Variants in ZFAND4 observed in about 807,000 individuals in gnomAD.
ZFAND4 encodes the protein zinc finger AN1-type containing 4.
ZFAND4 carries 43 observed loss-of-function variants against 64.4 expected under a neutral mutation model. The ratio of observed to expected loss-of-function variants is 0.67; its 90% CI spans 0.52 to 0.86. The LOEUF (loss-of-function observed/expected upper bound fraction) is 0.86, where lower values mean the gene tolerates loss of function less well. ZFAND4 is among the 40% of genes least tolerant of loss of function. ZFAND4 has a pLI of 0.00. For synonymous variants in ZFAND4, 296 were observed against 305.7 expected (o/e 0.97, Z 0.33); for missense variants, 929 against 859.8 (o/e 1.08, Z -1.01).
intron 2 of ZFAND4, chr10:45,662,432 T>C: frequency 3.9e-6 from 1 of 255,744 alleles, no homozygotes; most frequent in Non-Finnish European, 6.1e-6. Context: ...ACAAATTATT[T>C]AAAATTCATG....
chr10:45,656,501 C>CAAAAAAAAAAAAAAAAAAAAAAAA (rs541781976), intron 2 of ZFAND4, among the ~76,000 whole-genome samples: 2 of 24,698 alleles, frequency 8.1e-5, no homozygotes, highest in African/African-American at 3.9e-4. Context: ...GAACCTGTCT[C>CAAAAAAAAAAAAAAAAAAAAAAAA]AAAAAAAAAA....
chr10:45,624,330 T>C (rs1159804324), intron 8 of ZFAND4, among the ~76,000 whole-genome samples: 1 of 152,238 alleles, frequency 6.6e-6, no homozygotes, highest in African/African-American at 2.4e-5. Flanking sequence ...TCAATAATCT[T>C]GTGGGTTTTT....
chr10:45,656,016 G>A (rs2133814328), intron 2 of ZFAND4, among the ~76,000 whole-genome samples: 1 of 152,284 alleles, frequency 6.6e-6, no homozygotes, highest in East Asian at 1.9e-4. Flanking sequence ...TGGATCACGA[G>A]GTCAGGAGAT....
intron 5 of ZFAND4, 199 bp from the exon 6 acceptor site, chr10:45,640,162 T>C: frequency 7.9e-7 from 1 of 1,260,926 alleles, no homozygotes; most frequent in Non-Finnish European, 1.0e-6. Context: ...AATATTATGA[T>C]CTAGGATTAC....
intron 4 of ZFAND4, chr10:45,651,586 G>A: frequency 2.1e-6 from 1 of 472,658 alleles, no homozygotes; most frequent in Non-Finnish European, 4.4e-6. Flanking sequence ...AGGCAATGTT[G>A]GAATTTTGCA....
intron 6 of ZFAND4, among the ~76,000 whole-genome samples, chr10:45,628,835 C>T (rs1485100194): frequency 7.0e-6 from 1 of 142,000 alleles, no homozygotes; most frequent in Non-Finnish European, 1.5e-5. Flanking sequence ...AGAAACTCAT[C>T]TGCAAAGCCT....
At position 45,635,218 on chromosome 10, in the gene ZFAND4, A is replaced by C. The variant is rs201483984; in HGVS notation, c.717+4598T>G. ...AGCAAAAAAAAAAAAAAAAAACAAA[A>C]AAAAAACAAACAAAAAAAAACTGGA... is the stretch of plus-strand genomic sequence containing the variant. On this transcript the variant is annotated intron_variant, in intron 6 of 9. Transcript: ENST00000344646. Among the ~76,000 whole-genome samples the C allele has an allele frequency of 2.8e-4, 40 of 145,144 alleles. No homozygotes were observed. In the East Asian group the frequency reaches 7.2e-3, roughly 26 times the overall value.
intron 6 of ZFAND4, among the ~76,000 whole-genome samples, chr10:45,632,473 A>T (rs1031073105): frequency 1.6e-4 from 25 of 152,302 alleles, no homozygotes; most frequent in South Asian, 4.1e-4. Flanking sequence ...GTAGAAAAAA[A>T]TTTTTAATGA....
chr10:45,663,478 C>T (rs2048609803), intron 2 of ZFAND4, 64 bp downstream of exon 2: 2 of 1,292,700 alleles, frequency 1.5e-6, no homozygotes, highest in South Asian at 3.0e-5. Context: ...ACTTTAAAAA[C>T]TACTAGACAT....
chr10:45,622,266 A>T (rs921955441), intron 8 of ZFAND4, among the ~76,000 whole-genome samples: 1 of 152,208 alleles, frequency 6.6e-6, no homozygotes. Context: ...TGTTTCAACA[A>T]AAGTTAATAA....
At chr10:45,659,145 C>G (rs556383024) in intron 2 of ZFAND4, among the ~76,000 whole-genome samples, 1 of 152,252 alleles carries the variant, frequency 6.6e-6, no homozygotes, top group South Asian at 2.1e-4. Context: ...AGAAACCAGG[C>G]CCCTCTAGCC....
chr10:45,618,285 T>C (rs760239658), intron 8 of ZFAND4, 25 bp from the exon 9 acceptor site: 28 of 1,608,032 alleles, frequency 1.7e-5, no homozygotes, highest in Non-Finnish European at 2.3e-5. Context: ...GACACCTTGA[T>C]TAACACAGGC....
chr10:45,638,423 G>A (rs1328569910), intron 6 of ZFAND4, among the ~76,000 whole-genome samples: 6 of 151,666 alleles, frequency 4.0e-5, no homozygotes, highest in Non-Finnish European at 8.8e-5. Flanking sequence ...GAACCCGGGA[G>A]GCAGAGCTTG....
Position 45,669,910 on chromosome 10 carries a change from T to C in ZFAND4, c.-118+2340A>G, listed in dbSNP as rs529769253. 1.9e-3 allele frequency among the ~76,000 whole-genome samples: 289 copies of C among 152,226 alleles called. 1 individual carries two copies. The highest frequency in any genetic ancestry group is 6.7e-3 in the African/African-American group (279 of 41,538). ...ATAATAAGAGCTATTTATGACAAAC[T>C]CACAGCCAATATCATAGTGAATGGG... On this transcript the variant is annotated intron_variant, in intron 1 of 9. Transcript: ENST00000344646.
At chr10:45,642,002 A>C (rs1306491321) in intron 5 of ZFAND4, among the ~76,000 whole-genome samples, 1 of 152,194 alleles carries the variant, frequency 6.6e-6, no homozygotes, top group Non-Finnish European at 1.5e-5. Flanking sequence ...CACCCAGATG[A>C]GTGCCAGAAC....
At chr10:45,642,091 C>CTA (rs2047038474) in intron 5 of ZFAND4, among the ~76,000 whole-genome samples, 1 of 152,194 alleles carries the variant, frequency 6.6e-6, no homozygotes, top group Non-Finnish European at 1.5e-5. Flanking sequence ...TTCGTCATGT[C>CTA]ACCCTGTGGA....
chr10:45,620,792 A>G (rs1002292980), intron 8 of ZFAND4: 2 of 152,240 alleles, frequency 1.3e-5, no homozygotes, highest in Non-Finnish European at 2.9e-5. Flanking sequence ...CGAAGGATGT[A>G]CCAAGTCCTT....
intron 6 of ZFAND4, among the ~76,000 whole-genome samples, chr10:45,635,195 C>CAAAAAAAAAAAAAAAAAAAAAAA (rs1173808756): frequency 3.6e-4 from 10 of 27,630 alleles, no homozygotes; most frequent in Non-Finnish European, 5.6e-4. Context: ...GCCATCTAAG[C>CAAAAAAAAAAAAAAAAAAAAAAA]AAAAAAAAAA....
At chr10:45,637,926 A>G (rs1279441630) in intron 6 of ZFAND4, among the ~76,000 whole-genome samples, 1 of 152,228 alleles carries the variant, frequency 6.6e-6, no homozygotes, top group East Asian at 1.9e-4. Flanking sequence ...GATGCCTAGA[A>G]ATCAGTAAGC....
Sources: gnomAD v4.1 joint callset for allele counts (sites outside exome capture counted in the v4.1 genomes callset) on GRCh38, gnomAD v4.1.1 for gene constraint, MANE v1.5 for transcripts, NCBI Gene and HGNC (gene_info 2026-07-23, HGNC 2026-07-21) for gene names.